ERBB4: variants seen among roughly 807,000 people sequenced by gnomAD.
ERBB4 encodes the protein erb-b2 receptor tyrosine kinase 4.
ERBB4 carries 42 observed loss-of-function variants against 158.0 expected under a neutral mutation model. That is an observed-to-expected ratio of 0.27 (90% confidence interval 0.21 to 0.34). The LOEUF (loss-of-function observed/expected upper bound fraction) is 0.34. ERBB4 is among the 10% of genes least tolerant of loss of function. ERBB4 has a pLI of 1.00. For missense variants in ERBB4, 1,333 were observed against 1,624.1 expected (o/e 0.82, Z 3.08); for synonymous variants, 583 against 558.7 (o/e 1.04, Z -0.61).
chr2:211,932,497 T>C (rs2080204975), intron 3 of ERBB4, among the ~76,000 whole-genome samples: 2 of 152,050 alleles, frequency 1.3e-5, no homozygotes, highest in South Asian at 4.1e-4. Context: ...GGACATTCCC[T>C]ATTTCACCAG....
chr2:212,423,868 A>G (rs2091850585), intron 1 of ERBB4, among the ~76,000 whole-genome samples: 1 of 152,180 alleles, frequency 6.6e-6, no homozygotes, highest in South Asian at 2.1e-4. Flanking sequence ...TACTGAACCA[A>G]TGCTACAGGA....
At chr2:211,785,459 G>C (rs190087580) in intron 4 of ERBB4, among the ~76,000 whole-genome samples, 1 of 151,876 alleles carries the variant, frequency 6.6e-6, no homozygotes, top group African/African-American at 2.4e-5. Context: ...TTTGCTGTTG[G>C]TGTTTTTGGT....
At position 211,630,618 on chromosome 2, in the gene ERBB4, A is replaced by AT. The variant is rs746149651; in HGVS notation, c.1947-25_1947-24insA. On this transcript the variant is annotated intron_variant, in intron 16 of 27. Transcript: ENST00000342788. ...TTCTGACAACCAGAATGAGAAAAAA[A>AT]AAAATAAAAAGTATGAAGAGAGAGA... The AT allele has an allele frequency of 1.6e-5, 24 of 1,537,312 alleles. No homozygotes were observed. The African/African-American group carries it at 3.3e-4, about 21-fold the overall frequency.
At chr2:211,538,038 G>C (rs1337920362) in intron 20 of ERBB4, among the ~76,000 whole-genome samples, 1 of 148,006 alleles carries the variant, frequency 6.8e-6, no homozygotes, top group East Asian at 1.9e-4. Flanking sequence ...GGCAGACTCA[G>C]AAACATCCAA....
intron 1 of ERBB4, among the ~76,000 whole-genome samples, chr2:212,316,700 G>C (rs1398879994): frequency 6.6e-6 from 1 of 151,412 alleles, no homozygotes; most frequent in Admixed American, 6.6e-5. Flanking sequence ...ACTAGTAGCT[G>C]AGCAAGCATC....
intron 6 of ERBB4, among the ~76,000 whole-genome samples, chr2:211,724,161 AT>A (rs1174701874): frequency 6.6e-6 from 1 of 152,110 alleles, no homozygotes; most frequent in African/African-American, 2.4e-5. Flanking sequence ...TCTTCTTTAA[AT>A]TTTTAACATT....
intron 7 of ERBB4, among the ~76,000 whole-genome samples, chr2:211,716,350 G>T (rs2073900005): frequency 1.1e-5 from 1 of 88,452 alleles, no homozygotes; most frequent in Non-Finnish European, 2.0e-5. Flanking sequence ...CAACAACAGT[G>T]AAACTCTGTC....
At chr2:211,898,846 A>G (rs1429564504) in intron 3 of ERBB4, among the ~76,000 whole-genome samples, 1 of 152,174 alleles carries the variant, frequency 6.6e-6, no homozygotes, top group South Asian at 2.1e-4. Flanking sequence ...CATTCAAAGT[A>G]TGGGACCTAC....
At chr2:212,130,333 G>T (rs1265359632) in intron 1 of ERBB4, among the ~76,000 whole-genome samples, 5 of 152,074 alleles carry the variant, frequency 3.3e-5, no homozygotes, top group Non-Finnish European at 7.4e-5. Context: ...TATTCTATTT[G>T]TATTGATTCT....
chr2:212,373,440 A>C (rs1386016819), intron 1 of ERBB4, among the ~76,000 whole-genome samples: 2 of 151,988 alleles, frequency 1.3e-5, no homozygotes, highest in Admixed American at 6.6e-5. Flanking sequence ...AATCATAATA[A>C]TGATAGTAAT....
intron 2 of ERBB4, among the ~76,000 whole-genome samples, chr2:212,009,278 G>A (rs1241931393): frequency 6.6e-6 from 1 of 151,826 alleles, no homozygotes; most frequent in Non-Finnish European, 1.5e-5. Flanking sequence ...TATTCAGGCA[G>A]GCCCTAAATC....
intron 1 of ERBB4, among the ~76,000 whole-genome samples, chr2:212,324,095 T>C (rs2087703334): frequency 6.6e-6 from 1 of 150,620 alleles, no homozygotes. Flanking sequence ...TCTTTCCCTC[T>C]CCTGCTGGAT....
intron 3 of ERBB4, among the ~76,000 whole-genome samples, chr2:211,918,185 TC>T (rs1330857850): frequency 6.6e-6 from 1 of 152,202 alleles, no homozygotes; most frequent in Non-Finnish European, 1.5e-5. Flanking sequence ...AGTTAATTTT[TC>T]TTTTTGTATT....
At chr2:211,773,038 C>T (rs1476064170) in intron 4 of ERBB4, among the ~76,000 whole-genome samples, 1 of 147,236 alleles carries the variant, frequency 6.8e-6, no homozygotes, top group Non-Finnish European at 1.5e-5. Flanking sequence ...CCCACTTCAG[C>T]CTCCCAAATT....
chr2:212,509,854 C>A (rs1691409635), intron 1 of ERBB4, among the ~76,000 whole-genome samples: 1 of 151,866 alleles, frequency 6.6e-6, no homozygotes, highest in African/African-American at 2.4e-5. Flanking sequence ...ATATGAGTTT[C>A]ATTTTCATTA....
Position 211,563,537 on chromosome 2 carries a change from C to A in ERBB4, c.2302-1449G>T, listed in dbSNP as rs117700894. On this transcript the variant is annotated intron_variant, in intron 19 of 27. Coordinates refer to ENST00000342788, the MANE Select transcript of ERBB4 (RefSeq NM_005235.3). ...TTATTACAGAAATAGAGCAATGTTG[C>A]ATCTTTGGCTCTTGGATAAAAAAAT... is the stretch of plus-strand genomic sequence containing the variant. Among the ~76,000 whole-genome samples the A allele has an allele frequency of 8.0e-3, 1,213 of 152,196 alleles. 15 individuals carry two copies. Among genetic ancestry groups the A allele is most frequent in the South Asian group, 0.038 (182 of 4,822 alleles).
At chr2:212,054,942 G>C (rs935089974) in intron 2 of ERBB4, among the ~76,000 whole-genome samples, 1 of 152,136 alleles carries the variant, frequency 6.6e-6, no homozygotes. Context: ...GGGGCTTGTA[G>C]GACAGTGGGG....
intron 20 of ERBB4, among the ~76,000 whole-genome samples, chr2:211,442,463 A>G (rs1488334339): frequency 6.6e-6 from 1 of 152,140 alleles, no homozygotes; most frequent in Non-Finnish European, 1.5e-5. Flanking sequence ...CATTATTTTA[A>G]AAAAGCTTTT....
intron 3 of ERBB4, among the ~76,000 whole-genome samples, chr2:211,870,933 C>T (rs137861902): frequency 6.6e-4 from 100 of 152,152 alleles, no homozygotes; most frequent in African/African-American, 2.0e-3. Context: ...GTTTCTATCA[C>T]GCAGAAAATG....
Sources: gnomAD v4.1 joint callset for allele counts (sites outside exome capture counted in the v4.1 genomes callset) on GRCh38, gnomAD v4.1.1 for gene constraint, MANE v1.5 for transcripts, NCBI Gene and HGNC (gene_info 2026-07-23, HGNC 2026-07-21) for gene names.